The following UNC5CL variants were observed in gnomAD, a reference collection of about 807,000 sequenced individuals.
UNC5CL encodes the protein UNC5C-like protein.
UNC5CL carries 42 observed loss-of-function variants against 54.1 expected under a neutral mutation model. The ratio of observed to expected loss-of-function variants is 0.78; its 90% CI spans 0.61 to 1.00. The LOEUF (loss-of-function observed/expected upper bound fraction) is 1.00. Ranked by LOEUF, UNC5CL falls within the 50% of genes least tolerant of loss-of-function variation. The pLI is 0.00. For synonymous variants in UNC5CL, 285 were observed against 285.1 expected (o/e 1.00, Z 0.00); for missense variants, 619 against 675.6 (o/e 0.92, Z 0.93).
At chr6:41,032,587 C>T (rs1342132686) in intron 4 of UNC5CL, among the ~76,000 whole-genome samples, 2 of 152,118 alleles carry the variant, frequency 1.3e-5, no homozygotes, top group African/African-American at 2.4e-5. Flanking sequence ...GATGAAACCC[C>T]GTCTCTACCA....
chr6:41,033,220 T>C, intron 3 of UNC5CL, 74 bp from the exon 4 acceptor site: 1 of 1,529,874 alleles, frequency 6.5e-7, no homozygotes, highest in Non-Finnish European at 8.8e-7. Flanking sequence ...ACCAGCCTCC[T>C]GCCACCTGAG....
intron 1 of UNC5CL, among the ~76,000 whole-genome samples, chr6:41,037,926 T>C (rs1255084123): frequency 2.0e-5 from 3 of 152,244 alleles, no homozygotes; most frequent in African/African-American, 4.8e-5. Flanking sequence ...GCACTCTCCA[T>C]GGCTTGTCTC....
At position 41,031,734 on chromosome 6, in the gene UNC5CL, C is replaced by G. The variant is rs768016186; in HGVS notation, c.1066G>C (p.Asp356His). The change falls in exon 6 of 9, where the codon GAC (aspartate) becomes CAC (histidine). Residue 356 changes from aspartate to histidine, a missense_variant. By Grantham distance (81) the Asp-to-His change is moderately conservative. Transcript: ENST00000244565. ...FRRKAADENE[D>H]CSALTNEIIV... ...ATCTCATTGGTTAGTGCTGAACAGT[C>G]CTCATTCTCATCGGCTATAAAGAGA... The G allele has an allele frequency of 6.2e-7, 1 of 1,614,184 alleles. No individual in the cohort carries two copies.
In UNC5CL at chr6:41,030,412, A is replaced by C. The variant is rs1561829147; in HGVS notation, c.1310T>G (p.Leu437Arg). 1 of 1,613,924 alleles carries C rather than the reference A, an allele frequency of 6.2e-7. No homozygotes were observed. The highest frequency in any genetic ancestry group is 1.3e-5 in the African/African-American group (1 of 74,898). The change falls in exon 8 of 9, where the codon CTG (leucine) becomes CGG (arginine). Residue 437 changes from leucine (L) to arginine (R), a missense_variant. Coordinates refer to ENST00000244565, the MANE Select transcript of UNC5CL (RefSeq NM_173561.3). Reference protein sequence around the residue: ...GNDWRRLASHLGLCGMKIRFL... With the variant: ...GNDWRRLASHRGLCGMKIRFL... Reference sequence around the variant, plus strand: ...CCGGATCTTCATGCCGCAAAGCCCCAGGTGGGAGGCCAGTCTGCGCCAGTC... The same window carrying C: ...CCGGATCTTCATGCCGCAAAGCCCCCGGTGGGAGGCCAGTCTGCGCCAGTC...
rs1380366207 is a variant in UNC5CL at position 41,028,743 on chromosome 6, G to C, written c.1335-148C>G. On this transcript the variant is annotated intron_variant, in intron 8 of 8. Transcript: ENST00000244565. This position sits in a 1 kb window ranked among gnomAD's most constrained non-coding sequence, Gnocchi z 4.3. ...TTGTCCTGCTCTTGCCTGCCTTCCA[G>C]GGCACAGGAGGTGGGAAGCCCCAGG... 1.3e-6 allele frequency: 1 copy of C among 774,374 alleles called. No homozygotes were observed. The highest frequency in any genetic ancestry group is 1.8e-5 in the African/African-American group (1 of 57,122). The allele number at this position is 774,374 out of a possible 1,614,324, so 48.0% of individuals were successfully genotyped here. A position where few individuals can be genotyped will look rare whatever the true frequency, so the allele number is the denominator to read the frequency against.
Position 41,034,686 on chromosome 6 carries a change from T to A in UNC5CL, c.385+4A>T. The A allele has an allele frequency of 6.2e-7, 1 of 1,600,054 alleles. No homozygotes were observed. The highest frequency in any genetic ancestry group is 1.1e-5 in the South Asian group (1 of 91,028). The stretch of plus-strand genomic sequence containing the variant: ...ATGCGGAGATGAGAGCCAGGAGCTG[T>A]TACCTGGTGGGATGAGCAAGGAGAT... On this transcript the variant is annotated splice_donor_region_variant and intron_variant, in intron 2 of 8. Transcript: ENST00000244565.
chr6:41,033,101 G>A lies in UNC5CL; in HGVS notation c.732C>T (p.Arg244=), dbSNP rs150234074. The part of the protein sequence containing the change: ...VLEAPVGREA[R]KWLQLAVFCS... ...AGAATACGGCCAGCTGCAGCCATTTGCGGGCTTCGCGCCCCACAGGTGCCT... is the reference window on the plus strand; with the variant it reads ...AGAATACGGCCAGCTGCAGCCATTTACGGGCTTCGCGCCCCACAGGTGCCT... Residue 244 remains arginine, a synonymous_variant, in exon 4 of 9, where the codon CGC becomes CGT. Coordinates refer to ENST00000244565, the MANE Select transcript of UNC5CL (RefSeq NM_173561.3). 1,249 of 1,612,498 alleles carry A rather than the reference G, an allele frequency of 7.7e-4. 6 individuals carry two copies. The African/African-American group carries it at 0.012, about 16-fold the overall frequency.
intron 5 of UNC5CL, 21 bp from the exon 6 acceptor site, chr6:41,031,769 C>T (rs777418434): frequency 3.7e-6 from 6 of 1,613,432 alleles, no homozygotes; most frequent in South Asian, 2.2e-5. Flanking sequence ...AAGGTGACAG[C>T]GTGGCCAGTG....
Position 41,031,698 on chromosome 6 carries a change from T to C in UNC5CL, c.1102A>G (p.Met368Val), listed in dbSNP as rs141558656. The change falls in exon 6 of 9, where the codon ATG becomes GTG. Residue 368 changes from methionine to valine, a missense_variant. Transcript: ENST00000244565. ...CAACTCACATCCTGGAAGGTGTGCA[T>C]GGTGACAATGATCTCATTGGTTAGT... The part of the protein sequence containing the change: ...SALTNEIIVT[M>V]HTFQDGLETK... The C allele has an allele frequency of 2.6e-3, 4,167 of 1,614,072 alleles. 5 individuals are homozygous for C. The highest frequency in any genetic ancestry group is 3.1e-3 in the Non-Finnish European group (3,675 of 1,180,008).
At chr6:41,031,952 A>C (rs779784739) in intron 5 of UNC5CL, 84 bp downstream of exon 5, 14 of 1,423,982 alleles carry the variant, frequency 9.8e-6, no homozygotes, top group Middle Eastern at 1.9e-4. Flanking sequence ...GGGTCTGCAG[A>C]GCTCCAGGGT....
At position 41,034,930 on chromosome 6, in the gene UNC5CL, G is replaced by T; in HGVS notation, c.145C>A (p.Gln49Lys). The T allele has an allele frequency of 6.2e-7, 1 of 1,614,146 alleles. No individual in the cohort carries two copies. Among genetic ancestry groups the T allele is most frequent in the Non-Finnish European group, 8.5e-7 (1 of 1,180,012 alleles). The change falls in exon 2 of 9, where the codon CAA (glutamine) becomes AAA (lysine). Residue 49 changes from glutamine (Q) to lysine (K), a missense_variant. Physicochemically the swap from Gln to Lys is moderately conservative, Grantham distance 53. Transcript: ENST00000244565. ...LLGACWTLNG[Q>K]EEPVSQPTPQ... ...GTAGGCTGGGACACTGGTTCCTCTT[G>T]ACCATTCAGTGTCCAGCAGGCCCCC...
rs920429480 is a variant in UNC5CL at position 41,033,007 on chromosome 6, C to T, written c.826G>A (p.Ala276Thr). Residue 276 changes from alanine (A) to threonine (T), a missense_variant, in exon 4 of 9, where the codon GCC becomes ACC. By Grantham distance (58) the Ala-to-Thr change is moderately conservative (BLOSUM62 0). Coordinates refer to ENST00000244565, the MANE Select transcript of UNC5CL (RefSeq NM_173561.3). ...TCGTTGGTCAGTGCCCACTGCAGGG[C>T]GCAGGGCGTGTTGTTGAGGAAGTAG... is the stretch of plus-strand genomic sequence containing the variant. ...RIYFLNNTPC[A>T]LQWALTNEQP... 22 of 1,606,594 alleles carry T rather than the reference C, an allele frequency of 1.4e-5. No homozygotes were observed. The highest frequency in any genetic ancestry group is 1.6e-4 in the Middle Eastern group (1 of 6,068).
rs1462255632 is a variant in UNC5CL at position 41,027,312 on chromosome 6, G to A, written c.*1061C>T. The A allele has an allele frequency of 6.6e-6, 1 of 152,188 alleles. No homozygotes were observed. The highest frequency in any genetic ancestry group is 1.5e-5 in the Non-Finnish European group (1 of 68,042). 9.4% of individuals were successfully genotyped at this position (152,188 alleles called of 1,614,324 possible). On this transcript the variant is annotated 3_prime_UTR_variant, in exon 9 of 9. Coordinates refer to ENST00000244565, the MANE Select transcript of UNC5CL (RefSeq NM_173561.3). ...GAAGGGAAAAGAGGGAGGGTTTCAG[G>A]CAGAGAAAGAAACACACAAAGACAG...
At chr6:41,039,117 A>T (rs937932620) in intron 1 of UNC5CL, 45 bp downstream of exon 1, 3 of 152,302 alleles carry the variant, frequency 2.0e-5, no homozygotes, top group Admixed American at 2.0e-4. Context: ...CCCCATCACA[A>T]TGCCCATCCC....
At chr6:41,031,523 T>C (rs145095877) in intron 6 of UNC5CL, among the ~76,000 whole-genome samples, 158 bp downstream of exon 6, 75 of 152,256 alleles carry the variant, frequency 4.9e-4, no homozygotes, top group African/African-American at 1.6e-3. Flanking sequence ...GCCCAGATGA[T>C]CTCAGCCCCT....
intron 3 of UNC5CL, chr6:41,033,658 CAGAG>C: frequency 3.4e-6 from 2 of 593,224 alleles, no homozygotes; most frequent in African/African-American, 1.9e-5. Flanking sequence ...TCCAGACAGA[CAGAG>C]AGACAGCAAT....
At chr6:41,031,211 G>A (rs144268355) in intron 6 of UNC5CL, among the ~76,000 whole-genome samples, 41 of 152,104 alleles carry the variant, frequency 2.7e-4, no homozygotes, top group African/African-American at 6.8e-4. Context: ...CGATTTCTTC[G>A]CATCTTCCCT....
intron 2 of UNC5CL, 42 bp from the exon 3 acceptor site, chr6:41,034,223 G>A: frequency 6.4e-7 from 1 of 1,557,834 alleles, no homozygotes; most frequent in Non-Finnish European, 8.7e-7. Flanking sequence ...TGGTAGGCAG[G>A]CACACCCCTG....
rs112162551 is a variant in UNC5CL at position 41,036,749 on chromosome 6, C to CA, written c.-61-1615dup. 3.5e-3 allele frequency among the ~76,000 whole-genome samples: 320 copies of CA among 92,718 alleles called. 3 individuals are homozygous for CA. The highest frequency in any genetic ancestry group is 3.2e-3 in the African/African-American group (80 of 24,674). 60.8% of individuals were successfully genotyped at this position (92,718 alleles called of 152,430 possible). A position where few individuals can be genotyped will look rare whatever the true frequency, so the allele number is the denominator to read the frequency against. On this transcript the variant is annotated intron_variant, in intron 1 of 8. Transcript: ENST00000244565. ...GAACAACAAAAGCTAAAAGTGGAAG[C>CA]AAAAAAAAAAAAAAATGAAGAAGAC...
Sources: gnomAD v4.1 joint callset for allele counts (sites outside exome capture counted in the v4.1 genomes callset) on GRCh38, gnomAD v4.1.1 for gene constraint, Gnocchi (gnomAD v3.1) non-coding constraint, MANE v1.5 for transcripts, NCBI Gene and HGNC (gene_info 2026-07-23, HGNC 2026-07-21) for gene names.